OR4K1: variants seen among roughly 807,000 people sequenced by gnomAD.
OR4K1 encodes olfactory receptor family 4 subfamily K member 1.
In OR4K1, 16 loss-of-function variants were observed where a neutral mutation model predicts 14.4. The ratio of observed to expected loss-of-function variants is 1.11; its 90% confidence interval spans 0.75 to 1.68. The LOEUF is 1.68. OR4K1 is among the 40% of genes most tolerant of loss of function. The pLI is 0.00. For synonymous variants in OR4K1, 181 were observed against 133.1 expected (o/e 1.36, Z -2.48); for missense variants, 548 against 376.9 (o/e 1.45, Z -3.76).
At chr14:19,920,944 T>C in the OR4K1 span, 5 of 1,614,060 alleles carry the variant, frequency 3.1e-6, no homozygotes, top group Non-Finnish European at 8.5e-7. Flanking sequence ...GGGGAGATGG[T>C]GCTACTTGTT....
In OR4K1 at chr14:19,936,319, A is replaced by G. The variant is rs771893485; in HGVS notation, c.653A>G (p.Tyr218Cys). ...LSCFLALIIS[Y>C]TIILIGVRCR... is the part of the protein sequence containing the mutation. ...TGTTTCCTGGCTTTAATTATTTCCT[A>G]CACCATCATTTTGATCGGTGTCCGA... is the stretch of plus-strand genomic sequence containing the variant. The change falls in exon 2 of 2, where the codon TAC (tyrosine) becomes TGC (cysteine). Residue 218 changes from tyrosine to cysteine, a missense_variant. Transcript: ENST00000641172. The G allele has an allele frequency of 3.1e-6, 5 of 1,614,120 alleles. No homozygotes were observed. In the South Asian group the frequency reaches 3.3e-5, roughly 11 times the overall value.
upstream of OR4K1, among the ~76,000 whole-genome samples, chr14:19,927,507 T>C (rs3853412): frequency 1.3e-5 from 2 of 152,196 alleles, no homozygotes; most frequent in Admixed American, 1.3e-4. Flanking sequence ...GATGAACGTA[T>C]GTGAGTGGGC....
upstream of OR4K1, among the ~76,000 whole-genome samples, chr14:19,928,824 C>A (rs939537614): frequency 6.6e-6 from 1 of 152,100 alleles, no homozygotes; most frequent in African/African-American, 2.4e-5. Context: ...TGCATCTGCT[C>A]ATTTTTCTAC....
At chr14:19,935,484 G>A (rs114157040) in intron 1 of OR4K1, 164 bp from the exon 2 acceptor site, 11 of 570,290 alleles carry the variant, frequency 1.9e-5, no homozygotes, top group Middle Eastern at 4.5e-4. Flanking sequence ...TAGCAGTCAT[G>A]GATGTTAAAT....
the OR4K1 span, among the ~76,000 whole-genome samples, chr14:19,924,481 G>A: frequency 6.8e-6 from 1 of 146,200 alleles, no homozygotes; most frequent in Admixed American, 6.8e-5. Flanking sequence ...TTTATTTCTT[G>A]ACTTTTTAAT....
the OR4K1 span, among the ~76,000 whole-genome samples, chr14:19,921,837 G>A: frequency 1.2e-3 from 189 of 152,184 alleles, 1 homozygote; most frequent in East Asian, 0.028. Flanking sequence ...CTTTTGTTAC[G>A]GGGTAAATGT....
chr14:19,929,479 T>C (rs568026700), upstream of OR4K1, among the ~76,000 whole-genome samples: 7 of 151,484 alleles, frequency 4.6e-5, no homozygotes, highest in Non-Finnish European at 8.8e-5. Flanking sequence ...GCTTTTCTTA[T>C]TTTTTTTGGT....
upstream of OR4K1, among the ~76,000 whole-genome samples, chr14:19,929,670 T>C (rs1451545632): frequency 2.6e-5 from 4 of 152,204 alleles, no homozygotes; most frequent in Non-Finnish European, 2.9e-5. Flanking sequence ...ATCTGCATAT[T>C]TGATAGTACA....
At position 19,935,652 on chromosome 14, in the gene OR4K1, CTG is replaced by C; in HGVS notation, c.-14_-13del. On this transcript the variant is annotated 5_prime_UTR_variant, in exon 2 of 2. Transcript: ENST00000641172. The stretch of plus-strand genomic sequence containing the variant: ...TTTCTGATTTCTTTTTTTTAGGTAA[CTG>C]AATATTGGATACATGGCTCACACAA... The C allele has an allele frequency of 6.4e-7, 1 of 1,553,634 alleles. No homozygotes were observed. The highest frequency in any genetic ancestry group is 1.2e-5 in the South Asian group (1 of 81,418).
chr14:19,927,800 C>T (rs1290587098), upstream of OR4K1, among the ~76,000 whole-genome samples: 1 of 152,226 alleles, frequency 6.6e-6, no homozygotes, highest in East Asian at 1.9e-4. Context: ...TTTTCCCTCT[C>T]TACCTGTAGT....
At chr14:19,931,646 A>T (rs1882186600) in intron 1 of OR4K1, among the ~76,000 whole-genome samples, 1 of 152,260 alleles carries the variant, frequency 6.6e-6, no homozygotes, top group Non-Finnish European at 1.5e-5. Context: ...ATGATTTCAG[A>T]GTTCCATTGA....
At position 19,936,032 on chromosome 14, in the gene OR4K1, A is replaced by T. The variant is rs1181156122; in HGVS notation, c.366A>T (p.Arg122Ser). 3.7e-6 allele frequency: 6 copies of T among 1,614,262 alleles called. No homozygotes were observed. The Admixed American group carries it at 8.3e-5, about 22-fold the overall frequency. The change falls in exon 2 of 2, where the codon AGA becomes AGT. Residue 122 changes from arginine (R) to serine (S), a missense_variant. By Grantham distance (110) the Arg-to-Ser change is moderately radical. Transcript: ENST00000641172. The stretch of plus-strand genomic sequence containing the variant: ...TGCTTGTAGCTATGGCATATGACAG[A>T]TTTATAGCCATATGTAAGCCTCTGC... ...MMLLVAMAYD[R>S]FIAICKPLHY... is the part of the protein sequence containing the mutation.
At chr14:19,929,413 G>C (rs1275709308), upstream of OR4K1, among the ~76,000 whole-genome samples, 1 of 147,098 alleles carries the variant, frequency 6.8e-6, no homozygotes. Context: ...GTGCGTATGG[G>C]GGGAGAGAGA....
chr14:19,926,605 T>C (rs1273829903), upstream of OR4K1, among the ~76,000 whole-genome samples: 3 of 152,226 alleles, frequency 2.0e-5, no homozygotes, highest in Non-Finnish European at 2.9e-5. Context: ...AGAGGCACAG[T>C]TCTCTCAAGA....
At chr14:19,926,443 G>A (rs1321245508), upstream of OR4K1, among the ~76,000 whole-genome samples, 4 of 152,222 alleles carry the variant, frequency 2.6e-5, no homozygotes, top group African/African-American at 9.6e-5. Context: ...AGTAGGAAGT[G>A]ACATACAAGA....
At chr14:19,925,396 C>G in the OR4K1 span, among the ~76,000 whole-genome samples, 3 of 152,322 alleles carry the variant, frequency 2.0e-5, no homozygotes, top group Non-Finnish European at 2.9e-5. Context: ...TTCACACAGG[C>G]TCTGTATTAT....
At chr14:19,929,538 T>C (rs1420976257), upstream of OR4K1, among the ~76,000 whole-genome samples, 1 of 152,122 alleles carries the variant, frequency 6.6e-6, no homozygotes, top group Non-Finnish European at 1.5e-5. Context: ...TTGTCTACTG[T>C]CACACAATTT....
At chr14:19,925,954 G>A (rs900980722), upstream of OR4K1, among the ~76,000 whole-genome samples, 5 of 152,266 alleles carry the variant, frequency 3.3e-5, no homozygotes, top group Non-Finnish European at 5.9e-5. Context: ...TGATTGCAAA[G>A]GCACTTCAGG....
chr14:19,924,691 C>CTT, the OR4K1 span, among the ~76,000 whole-genome samples: 2 of 152,304 alleles, frequency 1.3e-5, no homozygotes, highest in South Asian at 4.1e-4. Flanking sequence ...AAACCCATTA[C>CTT]TGGTTATATA....
Sources: allele counts gnomAD v4.1 joint callset (sites outside exome capture counted in the v4.1 genomes callset), GRCh38; gene constraint gnomAD v4.1.1; transcripts MANE v1.5; gene names NCBI Gene and HGNC (gene_info 2026-07-23, HGNC 2026-07-21).